Variants in SESTD1 observed in about 807,000 individuals in gnomAD.
SESTD1 encodes SEC14 domain and spectrin repeat-containing protein 1.
In SESTD1, 43 loss-of-function variants were observed where a neutral mutation model predicts 101.7. That is an observed-to-expected ratio of 0.42 (90% CI 0.33 to 0.55). The LOEUF is 0.55. Ranked by LOEUF, SESTD1 falls within the 20% of genes least tolerant of loss-of-function variation. The pLI is 0.07. For missense variants in SESTD1, 647 were observed against 815.1 expected, an observed-to-expected ratio of 0.79 and a Z score of 2.51; for synonymous variants, 283 against 286.8, an observed-to-expected ratio of 0.99 and a Z score of 0.13.
chr2:179,110,136 CTA>C, intron 17 of SESTD1, 108 bp from the exon 18 acceptor site: 1 of 1,080,136 alleles, frequency 9.3e-7, no homozygotes, highest in Non-Finnish European at 1.3e-6. Context: ...ATGAGATAGC[CTA>C]TGTGTAAATA....
intron 1 of SESTD1, among the ~76,000 whole-genome samples, chr2:179,228,450 C>A (rs993484871): frequency 2.0e-5 from 3 of 152,142 alleles, no homozygotes; most frequent in African/African-American, 7.2e-5. Flanking sequence ...GTTGCAATGA[C>A]TTTGCCTTAA....
chr2:179,130,413 TG>T (rs1180381294), intron 10 of SESTD1, among the ~76,000 whole-genome samples: 4 of 152,274 alleles, frequency 2.6e-5, no homozygotes, highest in Non-Finnish European at 5.9e-5. Flanking sequence ...CCTTAAGCGA[TG>T]TTTCTTTAAG....
chr2:179,159,173 T>C (rs1378881475), intron 5 of SESTD1, among the ~76,000 whole-genome samples: 1 of 152,144 alleles, frequency 6.6e-6, no homozygotes, highest in Non-Finnish European at 1.5e-5. Context: ...ATAAAGTGGG[T>C]CAGGATCAGC....
intron 1 of SESTD1, among the ~76,000 whole-genome samples, chr2:179,219,866 C>A (rs1329174868): frequency 6.6e-6 from 1 of 152,094 alleles, no homozygotes; most frequent in African/African-American, 2.4e-5. Flanking sequence ...ACAGATTTAT[C>A]CAAATGTATA....
chr2:179,113,143 A>G (rs1459623568), intron 16 of SESTD1, among the ~76,000 whole-genome samples: 2 of 152,224 alleles, frequency 1.3e-5, no homozygotes, highest in Non-Finnish European at 2.9e-5. Flanking sequence ...CTAGACTACT[A>G]TTTGGAAAAT....
chr2:179,231,927 C>G (rs955749810), intron 1 of SESTD1, among the ~76,000 whole-genome samples: 2 of 151,910 alleles, frequency 1.3e-5, no homozygotes, highest in Non-Finnish European at 2.9e-5. Flanking sequence ...TGCCTATCAT[C>G]ACATAGCAAC....
chr2:179,206,256 A>G (rs1400219846), intron 1 of SESTD1, among the ~76,000 whole-genome samples: 1 of 135,652 alleles, frequency 7.4e-6, no homozygotes, highest in African/African-American at 2.9e-5. Flanking sequence ...CAGGAAAACT[A>G]AAGAGTTCAC....
chr2:179,188,385 AAC>A (rs1306958305), intron 2 of SESTD1, among the ~76,000 whole-genome samples: 2 of 152,214 alleles, frequency 1.3e-5, no homozygotes, highest in Non-Finnish European at 2.9e-5. Flanking sequence ...GATAAATGAA[AAC>A]AGTGATACAA....
intron 2 of SESTD1, 105 bp from the exon 3 acceptor site, chr2:179,183,293 T>G: frequency 1.5e-6 from 1 of 650,846 alleles, no homozygotes; most frequent in East Asian, 3.3e-5. Context: ...AAGTTTAAGA[T>G]ATAATTTGGA....
chr2:179,130,270 C>T (rs757749912), intron 10 of SESTD1, among the ~76,000 whole-genome samples: 9 of 152,038 alleles, frequency 5.9e-5, no homozygotes, highest in Non-Finnish European at 1.3e-4. Flanking sequence ...GATCAAAAAA[C>T]GTAGCTTCCC....
chr2:179,171,557 T>C (rs74421096), intron 5 of SESTD1, among the ~76,000 whole-genome samples: 1,622 of 152,224 alleles, frequency 0.011, 25 homozygotes, highest in African/African-American at 0.038. Context: ...TACTGGGAAG[T>C]TGAGAATTAA....
At position 179,103,079 on chromosome 2, in the gene SESTD1, GTAA is replaced by G. The variant is rs1378582754; in HGVS notation, c.*6817_*6819del. 6.6e-6 allele frequency: 1 copy of G among 152,076 alleles called. No individual in the cohort carries two copies. Among genetic ancestry groups the G allele is most frequent in the Non-Finnish European group, 1.5e-5 (1 of 68,006 alleles). The allele number at this position is 152,076 out of a possible 1,614,324, so 9.4% of individuals were successfully genotyped here. ...TACTGAAAACGGGTGGTGAAAGTTA[GTAA>G]CATAAACAAACCAGTGCTGTTTCTT... is the stretch of plus-strand genomic sequence containing the variant. On this transcript the variant is annotated 3_prime_UTR_variant, in exon 18 of 18. Coordinates refer to ENST00000428443, the MANE Select transcript of SESTD1 (RefSeq NM_178123.5).
chr2:179,220,977 T>C (rs2046806184), intron 1 of SESTD1, among the ~76,000 whole-genome samples: 1 of 152,158 alleles, frequency 6.6e-6, no homozygotes, highest in African/African-American at 2.4e-5. Context: ...TTCCACATAA[T>C]TGGCATAACA....
intron 1 of SESTD1, among the ~76,000 whole-genome samples, chr2:179,196,203 C>A (rs561336200): frequency 1.8e-4 from 28 of 152,188 alleles, no homozygotes; most frequent in Non-Finnish European, 3.2e-4. Context: ...ACAGATGGCA[C>A]CTGGAAAATT....
chr2:179,142,253 A>G (rs2045295613), intron 9 of SESTD1, among the ~76,000 whole-genome samples: 3 of 152,208 alleles, frequency 2.0e-5, no homozygotes, highest in African/African-American at 7.2e-5. Context: ...AAATGTCTGG[A>G]ATTTTACAGA....
chr2:179,148,991 C>T (rs1447110719), intron 7 of SESTD1, among the ~76,000 whole-genome samples: 2 of 129,880 alleles, frequency 1.5e-5, no homozygotes, highest in African/African-American at 2.7e-5. Context: ...ACCCAGGAGG[C>T]GGAGCTTGCA....
At chr2:179,185,669 T>C (rs1410170151) in intron 2 of SESTD1, among the ~76,000 whole-genome samples, 2 of 117,246 alleles carry the variant, frequency 1.7e-5, no homozygotes, top group Admixed American at 9.7e-5. Flanking sequence ...ATACAATATA[T>C]AATATAGCAT....
chr2:179,120,815 A>G (rs1042013579), intron 13 of SESTD1, among the ~76,000 whole-genome samples: 4 of 152,198 alleles, frequency 2.6e-5, no homozygotes, highest in African/African-American at 9.6e-5. Context: ...CTTAGCTGTG[A>G]GGAAGAGTTC....
chr2:179,249,796 G>A (rs944726469), intron 1 of SESTD1, among the ~76,000 whole-genome samples: 2 of 151,304 alleles, frequency 1.3e-5, no homozygotes, highest in African/African-American at 4.9e-5. Context: ...ACACAAATAT[G>A]CCCAACTGCT....
Sources: gnomAD v4.1 joint callset for allele counts (sites outside exome capture counted in the v4.1 genomes callset) on GRCh38, gnomAD v4.1.1 for gene constraint, MANE v1.5 for transcripts, NCBI Gene and HGNC (gene_info 2026-07-23, HGNC 2026-07-21) for gene names.